Variants in NKX2-6 observed in about 807,000 individuals in gnomAD.
The protein encoded by NKX2-6 is homeobox protein Nkx-2.6.
NKX2-6 carries 8 observed loss-of-function variants against 8.6 expected under a neutral mutation model. That is an observed-to-expected ratio of 0.93 (90% CI 0.54 to 1.67). The LOEUF (loss-of-function observed/expected upper bound fraction) is 1.67, where lower values mean the gene tolerates loss of function less well. NKX2-6 is among the 40% of genes most tolerant of loss of function. The probability of loss-of-function intolerance (pLI) is 0.00; values close to 1 mark genes in which losing one functional copy is unlikely to be tolerated. For missense variants in NKX2-6, 475 were observed against 423.1 expected (o/e 1.12, Z -1.08); for synonymous variants, 210 against 199.3 (o/e 1.05, Z -0.45).
In NKX2-6 at chr8:23,702,104, A is replaced by G. The variant is rs1441704654; in HGVS notation, c.*347T>C. Reference sequence around the variant, plus strand: ...CGCCGATGCCCCGGGGCTGCTGCGTACAGATGCAAGAGCCTCTCGGGCCTC... The same window carrying G: ...CGCCGATGCCCCGGGGCTGCTGCGTGCAGATGCAAGAGCCTCTCGGGCCTC... On this transcript the variant is annotated 3_prime_UTR_variant, in exon 2 of 2. Coordinates refer to ENST00000325017, the MANE Select transcript of NKX2-6 (RefSeq NM_001136271.3). Among the ~76,000 whole-genome samples the G allele has an allele frequency of 6.6e-6, 1 of 152,062 alleles. No homozygotes were observed. The highest frequency in any genetic ancestry group is 2.4e-5 in the African/African-American group (1 of 41,410).
Position 23,702,665 on chromosome 8 carries a change from G to A in NKX2-6, c.692C>T (p.Pro231Leu), listed in dbSNP as rs1316538077. 1.3e-6 allele frequency: 2 copies of A among 1,550,708 alleles called. No individual in the cohort carries two copies. Among genetic ancestry groups the A allele is most frequent in the South Asian group, 2.4e-5 (2 of 83,982 alleles). Residue 231 changes from proline (P) to leucine (L), a missense_variant, in exon 2 of 2, where the codon CCC becomes CTC. By Grantham distance (98) the Pro-to-Leu change is moderately conservative. Coordinates refer to ENST00000325017, the MANE Select transcript of NKX2-6 (RefSeq NM_001136271.3). ...LGPGPGAPAF[P>L]SPYSAAVSPY... Reference sequence around the variant, plus strand: ...CGACACTGCTGCACTGTAGGGGCTGGGGAAGGCAGGTGCGCCGGGCCCGGG... The same window carrying A: ...CGACACTGCTGCACTGTAGGGGCTGAGGAAGGCAGGTGCGCCGGGCCCGGG...
At chr8:23,705,218 T>C (rs183824355) in intron 1 of NKX2-6, among the ~76,000 whole-genome samples, 1 of 152,370 alleles carries the variant, frequency 6.6e-6, no homozygotes, top group East Asian at 1.9e-4. Context: ...GAGTTTAGAA[T>C]CCGCTGCAGA....
At position 23,702,514 on chromosome 8, in the gene NKX2-6, A is replaced by G. The variant is rs1353092022; in HGVS notation, c.843T>C (p.Gly281=). ...TPLASAGFGH[G]GQNATPQGHL... is the part of the protein sequence containing the mutation. ...GGCCCTGCGGGGTGGCATTCTGGCC[A>G]CCGTGTCCGAAGCCCGCGCTGGCCA... is the stretch of plus-strand genomic sequence containing the variant. Residue 281 remains glycine (G), a synonymous_variant, in exon 2 of 2, where the codon GGT becomes GGC. Transcript: ENST00000325017. 6.5e-6 allele frequency: 10 copies of G among 1,532,176 alleles called. No homozygotes were observed. Among genetic ancestry groups the G allele is most frequent in the East Asian group, 4.9e-5 (2 of 40,622 alleles). 94.9% of individuals were successfully genotyped at this position (1,532,176 alleles called of 1,614,324 possible).
chr8:23,706,430 T>C lies in NKX2-6; in HGVS notation c.169A>G (p.Asn57Asp), dbSNP rs929350379. ...CTGTCACCGCCGCCGCCACCAGCGT[T>C]GTGAACCTCTGACCCTCGCGGCTCT... ...DAEPRGSEVH[N>D]AGGGGGDRKL... The change falls in exon 1 of 2, where the codon AAC becomes GAC. Residue 57 changes from asparagine (N) to aspartate (D), a missense_variant. Transcript: ENST00000325017. 3.9e-6 allele frequency: 6 copies of C among 1,549,744 alleles called. No individual in the cohort carries two copies. The highest frequency in any genetic ancestry group is 1.4e-5 in the African/African-American group (1 of 73,044).
intron 1 of NKX2-6, among the ~76,000 whole-genome samples, 195 bp from the exon 2 acceptor site, chr8:23,703,277 C>T (rs887069841): frequency 6.6e-6 from 1 of 152,250 alleles, no homozygotes; most frequent in African/African-American, 2.4e-5. Flanking sequence ...CCTCCAAGCT[C>T]TGTCACCTTT....
chr8:23,706,235 A>G, intron 1 of NKX2-6, 90 bp downstream of exon 1: 11 of 1,304,800 alleles, frequency 8.4e-6, no homozygotes, highest in Non-Finnish European at 1.1e-5. Context: ...AACCCAGGAG[A>G]TAGGAGGCGT....
chr8:23,704,389 C>T (rs758893306), intron 1 of NKX2-6, among the ~76,000 whole-genome samples: 1 of 152,176 alleles, frequency 6.6e-6, no homozygotes, highest in Non-Finnish European at 1.5e-5. Context: ...CACCAAGATG[C>T]AGCGTTTTCC....
Position 23,702,405 on chromosome 8 carries a change from G to A in NKX2-6, c.*46C>T, listed in dbSNP as rs1423677394. ...GTCACGACCTGCGGGCGGAGGGGAA[G>A]GGAACGAGCATCTGGCCCTGGTTGG... is the stretch of plus-strand genomic sequence containing the variant. On this transcript the variant is annotated 3_prime_UTR_variant, in exon 2 of 2. Coordinates refer to ENST00000325017, the MANE Select transcript of NKX2-6 (RefSeq NM_001136271.3). The A allele has an allele frequency of 7.2e-7, 1 of 1,379,944 alleles. No homozygotes were observed. The highest frequency in any genetic ancestry group is 1.6e-5 in the South Asian group (1 of 63,988). 85.5% of individuals were successfully genotyped at this position (1,379,944 alleles called of 1,614,324 possible). A position where few individuals can be genotyped will look rare whatever the true frequency, so the allele number is the denominator to read the frequency against.
chr8:23,706,384 G>A lies in NKX2-6; in HGVS notation c.215C>T (p.Pro72Leu), dbSNP rs1425946150. 2 of 1,551,474 alleles carry A rather than the reference G, an allele frequency of 1.3e-6. No homozygotes were observed. The highest frequency in any genetic ancestry group is 3.9e-5 in the Admixed American group (2 of 51,006). Reference sequence around the variant, plus strand: ...GACTGCCTCACAGGGACCCCCAGGAGGCTCCGAACCATCCAGCTTTCTGTC... The same window carrying A: ...GACTGCCTCACAGGGACCCCCAGGAAGCTCCGAACCATCCAGCTTTCTGTC... ...GGDRKLDGSE[P>L]PGGPCEAVLE... The change falls in exon 1 of 2, where the codon CCT (proline) becomes CTT (leucine). Residue 72 changes from proline to leucine, a missense_variant. By Grantham distance (98) the Pro-to-Leu change is moderately conservative. Transcript: ENST00000325017.
rs1585254062 is a variant in NKX2-6, at chr8:23,706,680, C to G, written c.-82G>C. ...CTTCCCGTCTTGTCGCTGCAGGCCC[C>G]GCAGACAGACCCAAGCTCTGGGACA... On this transcript the variant is annotated 5_prime_UTR_variant, in exon 1 of 2. Transcript: ENST00000325017. The G allele has an allele frequency of 1.4e-6, 2 of 1,400,178 alleles. No individual in the cohort carries two copies. The highest frequency in any genetic ancestry group is 1.4e-5 in the South Asian group (1 of 71,864). 86.7% of individuals were successfully genotyped at this position (1,400,178 alleles called of 1,614,324 possible).
rs376769591 is a variant in NKX2-6 at position 23,706,361 on chromosome 8, C to G, written c.238G>C (p.Val80Leu). The G allele has an allele frequency of 1.8e-5, 28 of 1,551,488 alleles. No homozygotes were observed. Among genetic ancestry groups the G allele is most frequent in the Non-Finnish European group, 2.4e-5 (27 of 1,146,902 alleles). ...ATCCGTTCCGCGTCCATCTCCAAGA[C>G]TGCCTCACAGGGACCCCCAGGAGGC... ...SEPPGGPCEAVLEMDAERMGE... is the reference protein window; with the variant it reads ...SEPPGGPCEALLEMDAERMGE... The change falls in exon 1 of 2, where the codon GTC becomes CTC. Residue 80 changes from valine (V) to leucine (L), a missense_variant. By Grantham distance (32) the Val-to-Leu change is conservative. Coordinates refer to ENST00000325017, the MANE Select transcript of NKX2-6 (RefSeq NM_001136271.3).
Position 23,702,907 on chromosome 8 carries a change from G to T in NKX2-6, c.450C>A (p.Arg150=). 6.4e-7 allele frequency: 1 copy of T among 1,552,982 alleles called. No homozygotes were observed. Among genetic ancestry groups the T allele is most frequent in the South Asian group, 1.2e-5 (1 of 84,152 alleles). Residue 150 remains arginine, a synonymous_variant, in exon 2 of 2, where the codon CGC becomes CGA. Coordinates refer to ENST00000325017, the MANE Select transcript of NKX2-6 (RefSeq NM_001136271.3). ...CTGACAGGTACCGCTGCTGCTTGAA[G>T]CGCCGCTCCAGGGCCAGCACCTGCG... ...SQAQVLALER[R]FKQQRYLSAP...
chr8:23,706,444 C>G lies in NKX2-6; in HGVS notation c.155G>C (p.Gly52Ala), dbSNP rs1247315390. 1 of 1,548,414 alleles carries G rather than the reference C, an allele frequency of 6.5e-7. No individual in the cohort carries two copies. The highest frequency in any genetic ancestry group is 2.4e-5 in the East Asian group (1 of 40,924). ...QYLRMDAEPRGSEVHNAGGGG... is the reference protein window; with the variant it reads ...QYLRMDAEPRASEVHNAGGGG... ...GCCACCAGCGTTGTGAACCTCTGAC[C>G]CTCGCGGCTCTGCGTCCATTCTCAG... Residue 52 changes from glycine (G) to alanine (A), a missense_variant, in exon 1 of 2, where the codon GGG becomes GCG. By Grantham distance (60) the Gly-to-Ala change is moderately conservative. Transcript: ENST00000325017.
At chr8:23,705,246 C>T (rs903835227) in intron 1 of NKX2-6, among the ~76,000 whole-genome samples, 4 of 152,246 alleles carry the variant, frequency 2.6e-5, no homozygotes, top group African/African-American at 9.6e-5. Flanking sequence ...CCAGCTTCTT[C>T]GCGGACACAG....
At position 23,702,316 on chromosome 8, in the gene NKX2-6, G is replaced by A. The variant is rs1801016592; in HGVS notation, c.*135C>T. 1 of 1,008,374 alleles carries A rather than the reference G, an allele frequency of 9.9e-7. No individual in the cohort carries two copies. The highest frequency in any genetic ancestry group is 3.0e-5 in the Admixed American group (1 of 33,010). 62.5% of individuals were successfully genotyped at this position (1,008,374 alleles called of 1,614,324 possible). On this transcript the variant is annotated 3_prime_UTR_variant, in exon 2 of 2. Transcript: ENST00000325017. ...GACTGTGGTGCAGATCGCAGTTTCAGAGATCCCTCCGGAAAGAAGCGCCGT... is the reference window on the plus strand; with the variant it reads ...GACTGTGGTGCAGATCGCAGTTTCAAAGATCCCTCCGGAAAGAAGCGCCGT...
In NKX2-6 at chr8:23,702,786, G is replaced by A; in HGVS notation, c.571C>T (p.Arg191Cys). The change falls in exon 2 of 2, where the codon CGC becomes TGC. Residue 191 changes from arginine (R) to cysteine (C), a missense_variant. Transcript: ENST00000325017. ...GCCAGTTCCAGCGACTTGTCCTGGC[G>A]CTGTCTCTTGCATTTGTAGCGTCGG... ...QNRRYKCKRQ[R>C]QDKSLELAGH... The A allele has an allele frequency of 6.4e-7, 1 of 1,562,716 alleles. No homozygotes were observed. Among genetic ancestry groups the A allele is most frequent in the Non-Finnish European group, 8.7e-7 (1 of 1,153,084 alleles).
At position 23,706,304 on chromosome 8, in the gene NKX2-6, A is replaced by T. The variant is rs1194550727; in HGVS notation, c.274+21T>A. Reference sequence around the variant, plus strand: ...CCCCCACATTCCCCCCGTAGGAGGCAAGACCTGAGCGCTTACTCACGTGGC... The same window carrying T: ...CCCCCACATTCCCCCCGTAGGAGGCTAGACCTGAGCGCTTACTCACGTGGC... On this transcript the variant is annotated intron_variant, in intron 1 of 1. Transcript: ENST00000325017. The T allele has an allele frequency of 2.0e-6, 3 of 1,503,218 alleles. No individual in the cohort carries two copies. In the African/African-American group the frequency reaches 4.3e-5, roughly 21 times the overall value. The allele number at this position is 1,503,218 out of a possible 1,614,324, so 93.1% of individuals were successfully genotyped here. A position where few individuals can be genotyped will look rare whatever the true frequency, so the allele number is the denominator to read the frequency against.
chr8:23,704,349 C>G, intron 1 of NKX2-6, among the ~76,000 whole-genome samples: 1 of 152,136 alleles, frequency 6.6e-6, no homozygotes, highest in East Asian at 1.9e-4. Flanking sequence ...TCCTTTCACC[C>G]AGGGCGACCC....
Position 23,702,367 on chromosome 8 carries a change from G to A in NKX2-6, c.*84C>T. 7.4e-7 allele frequency: 1 copy of A among 1,355,816 alleles called. No homozygotes were observed. Among genetic ancestry groups the A allele is most frequent in the Non-Finnish European group, 9.7e-7 (1 of 1,033,988 alleles). The allele number at this position is 1,355,816 out of a possible 1,614,324, so 84.0% of individuals were successfully genotyped here. A position where few individuals can be genotyped will look rare whatever the true frequency, so the allele number is the denominator to read the frequency against. On this transcript the variant is annotated 3_prime_UTR_variant, in exon 2 of 2. Transcript: ENST00000325017. ...TGGGTAGCAGCTTCCTTCCAGCGCC[G>A]CGTCCCCTCCTTGTCACGACCTGCG...
Sources: gnomAD v4.1 joint callset for allele counts (sites outside exome capture counted in the v4.1 genomes callset) on GRCh38, gnomAD v4.1.1 for gene constraint, MANE v1.5 for transcripts, NCBI Gene and HGNC (gene_info 2026-07-23, HGNC 2026-07-21) for gene names.